Variants in DLG2 observed in about 807,000 individuals in gnomAD.
DLG2 encodes the protein discs large MAGUK scaffold protein 2, also known as disks large homolog 2.
A neutral mutation model predicts 132.5 loss-of-function variants in DLG2; 45 were observed. The ratio of observed to expected loss-of-function variants is 0.34; its 90% CI spans 0.27 to 0.44. The LOEUF (loss-of-function observed/expected upper bound fraction) is 0.44, where lower values mean the gene tolerates loss of function less well. Among genes scored for constraint, DLG2 ranks in the 20% least tolerant of loss-of-function variants. The probability of loss-of-function intolerance (pLI) is 1.00; values close to 1 mark genes in which losing one functional copy is unlikely to be tolerated. For synonymous variants in DLG2, 424 were observed against 419.6 expected (o/e 1.01, Z -0.13); for missense variants, 1,045 against 1,196.9 (o/e 0.87, Z 1.87).
chr11:84,596,931 T>TC (rs2099561383), intron 6 of DLG2, among the ~76,000 whole-genome samples: 1 of 152,076 alleles, frequency 6.6e-6, no homozygotes, highest in Non-Finnish European at 1.5e-5. Context: ...ACAGAATGAA[T>TC]CTACTGTGGC....
At chr11:83,920,337 A>G (rs972305428) in intron 15 of DLG2, among the ~76,000 whole-genome samples, 5 of 94,076 alleles carry the variant, frequency 5.3e-5, no homozygotes, top group Non-Finnish European at 6.3e-5. Flanking sequence ...GTTGATAGGG[A>G]AGGTTTATTT....
Position 83,760,656 on chromosome 11 carries a change from C to T in DLG2, c.1825+26034G>A, listed in dbSNP as rs117315869. Among the ~76,000 whole-genome samples, 404 of 152,114 alleles carry T rather than the reference C, an allele frequency of 2.7e-3. 1 individual carries two copies. The highest frequency in any genetic ancestry group is 4.5e-3 in the Non-Finnish European group (306 of 67,976). ...CAGGTGTGAGCCACTGCTCCTGGCC[C>T]ACCATCTCCATCTATTCTAAAAACA... On this transcript the variant is annotated intron_variant, in intron 18 of 27. Coordinates refer to ENST00000376104, the MANE Select transcript of DLG2 (RefSeq NM_001142699.3).
At chr11:84,653,322 C>T (rs992323547) in intron 6 of DLG2, among the ~76,000 whole-genome samples, 5 of 152,162 alleles carry the variant, frequency 3.3e-5, no homozygotes, top group Non-Finnish European at 5.9e-5. Context: ...TAACTGAAGG[C>T]TCTTTCAAAA....
intron 6 of DLG2, among the ~76,000 whole-genome samples, chr11:84,765,411 T>C (rs1172169565): frequency 1.3e-5 from 2 of 152,074 alleles, no homozygotes; most frequent in African/African-American, 4.8e-5. Context: ...AGACATCTGA[T>C]AGTACTGACT....
At chr11:83,619,115 C>A (rs2061274301) in intron 19 of DLG2, among the ~76,000 whole-genome samples, 1 of 152,152 alleles carries the variant, frequency 6.6e-6, no homozygotes, top group African/African-American at 2.4e-5. Flanking sequence ...TCGTCTTATC[C>A]TCTGTGTAGC....
intron 4 of DLG2, among the ~76,000 whole-genome samples, chr11:85,242,579 G>C (rs1203071369): frequency 1.3e-5 from 2 of 151,336 alleles, no homozygotes; most frequent in Non-Finnish European, 2.9e-5. Flanking sequence ...CCTCCTGGAG[G>C]AATTTCTCTT....
At chr11:83,561,981 C>T (rs1419097892) in intron 19 of DLG2, among the ~76,000 whole-genome samples, 3 of 146,764 alleles carry the variant, frequency 2.0e-5, no homozygotes, top group Non-Finnish European at 4.4e-5. Flanking sequence ...CTTCACCTCC[C>T]GGGTTCAAGC....
intron 18 of DLG2, among the ~76,000 whole-genome samples, chr11:83,753,895 T>TATATATATG (rs2093529056): frequency 7.9e-6 from 1 of 127,078 alleles, no homozygotes; most frequent in African/African-American, 3.2e-5. Flanking sequence ...ATATATATCA[T>TATATATATG]ATATATATTT....
intron 7 of DLG2, among the ~76,000 whole-genome samples, chr11:84,267,585 A>G (rs1323562132): frequency 1.3e-5 from 2 of 152,222 alleles, no homozygotes; most frequent in Non-Finnish European, 2.9e-5. Context: ...TTGTCAGGCT[A>G]AAAGGACAAG....
chr11:85,044,462 C>T (rs1408351669), intron 6 of DLG2, among the ~76,000 whole-genome samples: 2 of 151,964 alleles, frequency 1.3e-5, no homozygotes, highest in Non-Finnish European at 2.9e-5. Flanking sequence ...ATAATTGGCT[C>T]TCTAGTTTTC....
At chr11:83,466,639 T>C in intron 26 of DLG2, 69 bp downstream of exon 26, 1 of 764,366 alleles carries the variant, frequency 1.3e-6, no homozygotes, top group Admixed American at 2.1e-5. Context: ...CAAAATCCTG[T>C]TAGTAATTTT....
chr11:84,221,124 C>A (rs756875487), intron 8 of DLG2, among the ~76,000 whole-genome samples: 15 of 151,826 alleles, frequency 9.9e-5, no homozygotes, highest in Non-Finnish European at 1.5e-4. Context: ...ACTTAAGCAT[C>A]CTGATTGGGT....
At chr11:83,906,257 TCACACACACACA>T (rs540642615) in intron 15 of DLG2, among the ~76,000 whole-genome samples, 1,256 of 67,002 alleles carry the variant, frequency 0.019, 76 homozygotes, top group African/African-American at 0.045. Flanking sequence ...TCTCTCTCTC[TCACACACACACA>T]CACACACACA....
intron 6 of DLG2, among the ~76,000 whole-genome samples, chr11:84,686,268 G>A (rs1177780648): frequency 6.6e-6 from 1 of 152,150 alleles, no homozygotes; most frequent in Non-Finnish European, 1.5e-5. Context: ...GTCTCCTGAG[G>A]TAAAGGACTT....
chr11:84,294,710 G>A (rs2098064183), intron 7 of DLG2, among the ~76,000 whole-genome samples: 1 of 152,146 alleles, frequency 6.6e-6, no homozygotes. Flanking sequence ...AGGACTTAAT[G>A]AACGTTATCT....
intron 8 of DLG2, among the ~76,000 whole-genome samples, chr11:84,244,069 A>T (rs2097269710): frequency 6.6e-6 from 1 of 152,200 alleles, no homozygotes; most frequent in South Asian, 2.1e-4. Context: ...TTCTCTCTTT[A>T]TACTCTTTTG....
At chr11:83,706,659 G>A (rs1246791225) in intron 18 of DLG2, among the ~76,000 whole-genome samples, 2 of 152,194 alleles carry the variant, frequency 1.3e-5, no homozygotes, top group African/African-American at 4.8e-5. Flanking sequence ...TCCAAGGGAT[G>A]GAGGAGAGCT....
intron 7 of DLG2, among the ~76,000 whole-genome samples, chr11:84,288,186 TTC>T (rs2097936077): frequency 1.3e-5 from 2 of 152,030 alleles, no homozygotes; most frequent in South Asian, 2.1e-4. Flanking sequence ...AGCTTTAGTT[TTC>T]TCTCTCATAA....
At chr11:84,768,354 T>TATTC in intron 6 of DLG2, among the ~76,000 whole-genome samples, 1 of 152,318 alleles carries the variant, frequency 6.6e-6, no homozygotes, top group Middle Eastern at 3.4e-3. Context: ...TTTAATGCCA[T>TATTC]ATTCACCATT....
Sources: allele counts gnomAD v4.1 joint callset (sites outside exome capture counted in the v4.1 genomes callset), GRCh38; gene constraint gnomAD v4.1.1; transcripts MANE v1.5; gene names NCBI Gene and HGNC (gene_info 2026-07-23, HGNC 2026-07-21).